ERICH1: variants seen among roughly 807,000 people sequenced by gnomAD.
ERICH1 encodes the protein glutamate rich 1, also known as glutamate-rich protein 1.
A neutral mutation model predicts 39.6 loss-of-function variants in ERICH1; 56 were observed. That is an observed-to-expected ratio of 1.41 (90% CI 1.14 to 1.77). The LOEUF (loss-of-function observed/expected upper bound fraction) is 1.77, where lower values mean the gene tolerates loss of function less well. Ranked by LOEUF, ERICH1 falls within the 40% of genes most tolerant of loss-of-function variation. The pLI is 0.00. For missense variants in ERICH1, 826 were observed against 575.4 expected (o/e 1.44, Z -4.45); for synonymous variants, 313 against 223.6 (o/e 1.40, Z -3.57).
chr8:720,651 T>C (rs1008302154), intron 1 of ERICH1, among the ~76,000 whole-genome samples: 2 of 152,120 alleles, frequency 1.3e-5, no homozygotes, highest in Non-Finnish European at 2.9e-5. Flanking sequence ...GGAAAGACAA[T>C]GTCCCTTTTC....
intron 2 of ERICH1, among the ~76,000 whole-genome samples, chr8:701,760 A>G (rs988631982): frequency 1.3e-5 from 2 of 152,198 alleles, no homozygotes; most frequent in African/African-American, 4.8e-5. Flanking sequence ...GTCACATTAT[A>G]TCAACTTCTA....
At chr8:713,966 T>C (rs58633725) in intron 2 of ERICH1, among the ~76,000 whole-genome samples, 65,424 of 126,872 alleles carry the variant, frequency 0.52, 15,244 homozygotes, top group East Asian at 0.55. Context: ...CGGCCTCTTC[T>C]GGCATCTCTC....
intron 3 of ERICH1, among the ~76,000 whole-genome samples, chr8:652,187 G>A (rs1800051132): frequency 1.3e-5 from 2 of 152,098 alleles, no homozygotes; most frequent in East Asian, 1.9e-4. Flanking sequence ...CTGCACCCAC[G>A]TGCCCTCTGA....
At chr8:619,745 A>G (rs895034971) in intron 3 of ERICH1, among the ~76,000 whole-genome samples, 3 of 152,204 alleles carry the variant, frequency 2.0e-5, no homozygotes, top group Non-Finnish European at 4.4e-5. Context: ...AGCACAAAAA[A>G]GAAGTCTATG....
At chr8:726,475 C>T (rs1398399823) in intron 1 of ERICH1, among the ~76,000 whole-genome samples, 1 of 151,816 alleles carries the variant, frequency 6.6e-6, no homozygotes, top group Non-Finnish European at 1.5e-5. Flanking sequence ...CACACACATA[C>T]ACACACAGGC....
At chr8:674,510 G>C (rs572438096) in intron 3 of ERICH1, among the ~76,000 whole-genome samples, 62 of 152,126 alleles carry the variant, frequency 4.1e-4, no homozygotes, top group Middle Eastern at 3.4e-3. Context: ...CGCCATGTTG[G>C]CCAGGGTTGT....
At chr8:680,686 A>G (rs1348439166) in intron 3 of ERICH1, among the ~76,000 whole-genome samples, 4 of 152,266 alleles carry the variant, frequency 2.6e-5, no homozygotes, top group Non-Finnish European at 5.9e-5. Flanking sequence ...AAGAGAATCC[A>G]CAGCTGCCAC....
At chr8:680,701 T>C (rs572494492) in intron 3 of ERICH1, among the ~76,000 whole-genome samples, 1 of 152,136 alleles carries the variant, frequency 6.6e-6, no homozygotes, top group Non-Finnish European at 1.5e-5. Flanking sequence ...TGCCACCCCA[T>C]CAACAGGCAA....
chr8:729,741 G>A (rs563170157), intron 1 of ERICH1, among the ~76,000 whole-genome samples: 2 of 151,880 alleles, frequency 1.3e-5, no homozygotes, highest in Non-Finnish European at 2.9e-5. Flanking sequence ...AGGCTGTTTC[G>A]AGGGAAGGTG....
At chr8:678,544 C>T (rs1805373655) in intron 3 of ERICH1, among the ~76,000 whole-genome samples, 1 of 152,204 alleles carries the variant, frequency 6.6e-6, no homozygotes, top group East Asian at 1.9e-4. Context: ...GTGACTTTTA[C>T]TAAACATTTA....
At chr8:704,253 A>G (rs1244968397) in intron 2 of ERICH1, among the ~76,000 whole-genome samples, 1 of 152,200 alleles carries the variant, frequency 6.6e-6, no homozygotes, top group African/African-American at 2.4e-5. Flanking sequence ...AAGCAAACCC[A>G]AGAAATGAAA....
At chr8:631,401 AG>A (rs1402319890) in intron 3 of ERICH1, among the ~76,000 whole-genome samples, 3 of 152,136 alleles carry the variant, frequency 2.0e-5, no homozygotes, top group Admixed American at 6.5e-5. Flanking sequence ...TGTGCGGGGC[AG>A]GGGGCAGCCT....
intron 3 of ERICH1, among the ~76,000 whole-genome samples, chr8:686,454 A>C (rs1024109): frequency 0.61 from 90,739 of 148,196 alleles, 27,585 homozygotes; most frequent in East Asian, 0.9. Context: ...AAGCTAAAAA[A>C]AAAAAAAAAA....
In ERICH1 at chr8:715,965, G is replaced by A; in HGVS notation, c.65C>T (p.Pro22Leu). 3 of 1,613,560 alleles carry A rather than the reference G, an allele frequency of 1.9e-6. No individual in the cohort carries two copies. The highest frequency in any genetic ancestry group is 2.5e-6 in the Non-Finnish European group (3 of 1,179,832). ...KVLQRLFPPV[P>L]SGQGKREPQT... ...GGGTTCCCTCTTTCCTTGGCCACTTGGAACAGGAGGAAAAAGTCTCTGCAG... is the reference window on the plus strand; with the variant it reads ...GGGTTCCCTCTTTCCTTGGCCACTTAGAACAGGAGGAAAAAGTCTCTGCAG... Residue 22 changes from proline (P) to leucine (L), a missense_variant, in exon 2 of 6, where the codon CCA becomes CTA. Physicochemically the swap from Pro to Leu is moderately conservative, Grantham distance 98. Coordinates refer to ENST00000262109, the MANE Select transcript of ERICH1 (RefSeq NM_207332.3).
chr8:704,867 G>T (rs1013096202), intron 2 of ERICH1, among the ~76,000 whole-genome samples: 4 of 152,198 alleles, frequency 2.6e-5, no homozygotes, highest in Non-Finnish European at 4.4e-5. Flanking sequence ...GAGGGTGTGT[G>T]ACTGGAGTGA....
In ERICH1 at chr8:685,045, T is replaced by A. The variant is rs1315553938; in HGVS notation, c.304+7433A>T. On this transcript the variant is annotated intron_variant, in intron 3 of 5. Transcript: ENST00000262109. ...CCGGTCTGACTAGAATTCACCAGGC[T>A]GGAATCTCCTAATCCTAGCAAGCCT... 2.0e-5 allele frequency among the ~76,000 whole-genome samples: 3 copies of A among 152,340 alleles called. No homozygotes were observed. The East Asian group carries it at 5.8e-4, about 29-fold the overall frequency.
intron 3 of ERICH1, among the ~76,000 whole-genome samples, chr8:633,443 G>A (rs977496311): frequency 6.6e-6 from 1 of 152,118 alleles, no homozygotes; most frequent in Admixed American, 6.5e-5. Flanking sequence ...GGCCCCCAAA[G>A]TACAGCAATA....
intron 2 of ERICH1, among the ~76,000 whole-genome samples, chr8:695,048 G>A (rs1448445072): frequency 6.6e-6 from 1 of 152,126 alleles, no homozygotes; most frequent in Non-Finnish European, 1.5e-5. Context: ...GAGCCCTAGG[G>A]TGATAGGCGG....
chr8:670,185 T>C (rs1379401679), intron 4 of ERICH1, among the ~76,000 whole-genome samples: 1 of 152,218 alleles, frequency 6.6e-6, no homozygotes, highest in Non-Finnish European at 1.5e-5. Flanking sequence ...TGAATTTTAG[T>C]TACTATATTT....
Sources: gnomAD v4.1 joint callset for allele counts (sites outside exome capture counted in the v4.1 genomes callset) on GRCh38, gnomAD v4.1.1 for gene constraint, MANE v1.5 for transcripts, NCBI Gene and HGNC (gene_info 2026-07-23, HGNC 2026-07-21) for gene names.